PTP4A1: variants seen among roughly 807,000 people sequenced by gnomAD.
PTP4A1 encodes the protein protein tyrosine phosphatase 4A1.
A neutral mutation model predicts 20.5 loss-of-function variants in PTP4A1; 9 were observed. The observed-to-expected ratio is 0.44, with a 90% CI of 0.26 to 0.77. The LOEUF is 0.77. Ranked by LOEUF, PTP4A1 falls within the 30% of genes least tolerant of loss-of-function variation. The pLI is 0.19. For synonymous variants in PTP4A1, 78 were observed against 67.4 expected (o/e 1.16, Z -0.77); for missense variants, 137 against 218.8 (o/e 0.63, Z 2.36).
intron 2 of PTP4A1, among the ~76,000 whole-genome samples, chr6:63,533,798 C>T (rs1775578590): frequency 6.6e-6 from 1 of 151,544 alleles, no homozygotes; most frequent in Non-Finnish European, 1.5e-5. Flanking sequence ...TAAAGTTACA[C>T]AAACAAAATA....
At position 63,564,118 on chromosome 6, in the gene PTP4A1, T is replaced by C. The variant is rs575403262; in HGVS notation, c.-445-12318T>C. ...GCAGAAACCCCATCTCTACTAAAAA[T>C]ACAAAAATTAGCCGGGTGTGGTGGC... On this transcript the variant is annotated intron_variant, in intron 3 of 3. Transcript: ENST00000639568. Among the ~76,000 whole-genome samples, 7 of 152,004 alleles carry C rather than the reference T, an allele frequency of 4.6e-5. No homozygotes were observed. The South Asian group carries it at 1.2e-3, about 27-fold the overall frequency.
chr6:63,541,892 T>G (rs1361607507), intron 2 of PTP4A1, among the ~76,000 whole-genome samples: 1 of 152,176 alleles, frequency 6.6e-6, no homozygotes, highest in Non-Finnish European at 1.5e-5. Flanking sequence ...TCCATCCAGC[T>G]TACAACCATT....
At chr6:63,529,926 G>A (rs1025174577) in intron 2 of PTP4A1, among the ~76,000 whole-genome samples, 1 of 152,090 alleles carries the variant, frequency 6.6e-6, no homozygotes, top group African/African-American at 2.4e-5. Context: ...TAAAGAAATA[G>A]GATATTTTGC....
At chr6:63,561,286 A>G (rs968218576) in intron 3 of PTP4A1, among the ~76,000 whole-genome samples, 3 of 152,186 alleles carry the variant, frequency 2.0e-5, no homozygotes, top group Non-Finnish European at 2.9e-5. Context: ...TGGGAGTAAT[A>G]TCAATCTGGA....
intron 1 of PTP4A1, among the ~76,000 whole-genome samples, chr6:63,525,902 T>C (rs1775144630): frequency 6.6e-6 from 1 of 152,184 alleles, no homozygotes; most frequent in African/African-American, 2.4e-5. Flanking sequence ...TTCTAGTGAG[T>C]TGGGACATTA....
intron 3 of PTP4A1, among the ~76,000 whole-genome samples, chr6:63,554,933 A>C (rs1776614687): frequency 6.6e-6 from 1 of 152,248 alleles, no homozygotes; most frequent in Non-Finnish European, 1.5e-5. Flanking sequence ...TTATGTTAGA[A>C]TCATACAAAG....
intron 2 of PTP4A1, among the ~76,000 whole-genome samples, chr6:63,547,418 G>C (rs1304889912): frequency 6.6e-6 from 1 of 150,598 alleles, no homozygotes; most frequent in Non-Finnish European, 1.5e-5. Flanking sequence ...TTGAACTCCT[G>C]ACCTCAAGTG....
intron 2 of PTP4A1, among the ~76,000 whole-genome samples, chr6:63,529,617 T>C (rs538794244): frequency 6.6e-6 from 1 of 152,336 alleles, no homozygotes; most frequent in Admixed American, 6.5e-5. Context: ...TTGTTTGCTG[T>C]ACTCTCTCAA....
At chr6:63,550,868 C>T (rs1210558513) in intron 3 of PTP4A1, among the ~76,000 whole-genome samples, 5 of 151,416 alleles carry the variant, frequency 3.3e-5, no homozygotes, top group Admixed American at 6.6e-5. Context: ...TCAGGTGATC[C>T]GCCTGCCTCG....
intron 1 of PTP4A1, among the ~76,000 whole-genome samples, chr6:63,575,302 T>C (rs1744159): frequency 6.6e-6 from 1 of 152,210 alleles, no homozygotes; most frequent in East Asian, 1.9e-4. Flanking sequence ...GAATTACTGC[T>C]CTTGTTAACC....
chr6:63,549,382 T>G (rs1369692228), intron 2 of PTP4A1: 2 of 753,592 alleles, frequency 2.7e-6, no homozygotes, highest in Non-Finnish European at 4.8e-6. Flanking sequence ...CTGAATGTCC[T>G]GTCCAATGTC....
At chr6:63,519,256 G>A (rs529774258), upstream of PTP4A1, among the ~76,000 whole-genome samples, 9 of 151,018 alleles carry the variant, frequency 6.0e-5, no homozygotes, top group Admixed American at 4.0e-4. Context: ...GCAGTGAGCC[G>A]AGATCACACC....
chr6:63,525,971 T>C (rs1422491612), intron 1 of PTP4A1, among the ~76,000 whole-genome samples: 2 of 152,148 alleles, frequency 1.3e-5, no homozygotes, highest in African/African-American at 4.8e-5. Flanking sequence ...AAACCTTCTT[T>C]CGGTACCAGT....
upstream of PTP4A1, among the ~76,000 whole-genome samples, chr6:63,517,679 A>G (rs1471306203): frequency 6.6e-6 from 1 of 152,136 alleles, no homozygotes; most frequent in Non-Finnish European, 1.5e-5. Context: ...TATGACTTTT[A>G]TATCAGAAAT....
At chr6:63,526,154 G>A (rs371801456) in intron 1 of PTP4A1, among the ~76,000 whole-genome samples, 3 of 151,910 alleles carry the variant, frequency 2.0e-5, no homozygotes, top group Non-Finnish European at 2.9e-5. Flanking sequence ...GTGAAATCCC[G>A]TCTCCACTAA....
chr6:63,523,087 A>G (rs1330265937), intron 1 of PTP4A1, among the ~76,000 whole-genome samples: 3 of 151,814 alleles, frequency 2.0e-5, no homozygotes, highest in African/African-American at 7.3e-5. Context: ...GCTGGTCTCA[A>G]ACTCCTGACC....
chr6:63,543,325 C>A (rs1038326464), intron 2 of PTP4A1, among the ~76,000 whole-genome samples: 3 of 152,154 alleles, frequency 2.0e-5, no homozygotes, highest in Non-Finnish European at 4.4e-5. Context: ...ACTTATTTTT[C>A]TTTCTTTCAA....
At chr6:63,579,958 A>G (rs1778117315) in intron 5 of PTP4A1, 99 bp from the exon 6 acceptor site, 1 of 830,976 alleles carries the variant, frequency 1.2e-6, no homozygotes, top group Non-Finnish European at 1.9e-6. Flanking sequence ...TAATCAAAAG[A>G]TAAATTGCCA....
At chr6:63,546,574 T>A (rs989378363) in intron 2 of PTP4A1, among the ~76,000 whole-genome samples, 2 of 152,082 alleles carry the variant, frequency 1.3e-5, no homozygotes, top group African/African-American at 2.4e-5. Flanking sequence ...AGCATGGTGG[T>A]GCATGCCTGT....
Sources: gnomAD v4.1 joint callset for allele counts (sites outside exome capture counted in the v4.1 genomes callset) on GRCh38, gnomAD v4.1.1 for gene constraint, MANE v1.5 for transcripts, NCBI Gene and HGNC (gene_info 2026-07-23, HGNC 2026-07-21) for gene names.